The following PDE4D variants were observed in gnomAD, a reference collection of about 807,000 sequenced individuals.
PDE4D encodes the protein 3',5'-cyclic-AMP phosphodiesterase 4D.
In PDE4D, 24 loss-of-function variants were observed where a neutral mutation model predicts 87.4. The observed-to-expected ratio is 0.27, with a 90% CI of 0.20 to 0.39. The LOEUF (loss-of-function observed/expected upper bound fraction) is 0.39, where lower values mean the gene tolerates loss of function less well. Ranked by LOEUF, PDE4D falls within the 10% of genes least tolerant of loss-of-function variation. PDE4D has a pLI of 1.00. For synonymous variants in PDE4D, 384 were observed against 383.2 expected (o/e 1.00, Z -0.02); for missense variants, 714 against 1,041.0 (o/e 0.69, Z 4.32).
intron 6 of PDE4D, among the ~76,000 whole-genome samples, chr5:59,030,539 G>C (rs1045794615): frequency 6.6e-6 from 1 of 150,464 alleles, no homozygotes; most frequent in African/African-American, 2.4e-5. Context: ...AGGAATTCTA[G>C]ACAAGCCTGG....
chr5:60,047,156 G>T (rs1012211669), intron 2 of PDE4D, among the ~76,000 whole-genome samples: 40 of 152,218 alleles, frequency 2.6e-4, no homozygotes, highest in African/African-American at 9.4e-4. Context: ...TATTTGCGTA[G>T]AGGTGTTTGT....
At position 60,428,918 on chromosome 5, in the gene PDE4D, C is replaced by T. The variant is rs114522410; in HGVS notation, c.-90+59024G>A. Among the ~76,000 whole-genome samples, 108 of 152,262 alleles carry T rather than the reference C, an allele frequency of 7.1e-4. 1 individual carries two copies. The highest frequency in any genetic ancestry group is 2.6e-3 in the African/African-American group (107 of 41,546). On this transcript the variant is annotated intron_variant, in intron 1 of 16. Coordinates refer to the PDE4D transcript ENST00000502484. ...AATTTGGAACCAGACAGACTTCGGT[C>T]CAAAGTCCTTGATACTAACAGTTAG...
chr5:59,070,308 C>G (rs952088373), intron 5 of PDE4D, among the ~76,000 whole-genome samples: 1 of 152,040 alleles, frequency 6.6e-6, no homozygotes, highest in Non-Finnish European at 1.5e-5. Context: ...AGTAGTACCA[C>G]AAGGATTAAA....
chr5:58,977,067 C>T, intron 12 of PDE4D, 124 bp downstream of exon 12: 1 of 850,314 alleles, frequency 1.2e-6, no homozygotes, highest in Non-Finnish European at 1.8e-6. Flanking sequence ...GCTTCTATAA[C>T]ATAAAGGGCC....
chr5:59,751,957 T>C (rs1760545875), intron 1 of PDE4D, among the ~76,000 whole-genome samples: 1 of 152,188 alleles, frequency 6.6e-6, no homozygotes, highest in South Asian at 2.1e-4. Context: ...CAATGCTCAG[T>C]AGGGTGCCTG....
intron 6 of PDE4D, among the ~76,000 whole-genome samples, chr5:59,010,369 C>A (rs761521398): frequency 4.0e-5 from 6 of 151,620 alleles, no homozygotes; most frequent in Non-Finnish European, 7.4e-5. Context: ...AAATAATAGT[C>A]AAAGTATTCT....
chr5:59,619,116 G>T (rs756546031), intron 1 of PDE4D, among the ~76,000 whole-genome samples: 1 of 152,104 alleles, frequency 6.6e-6, no homozygotes, highest in Non-Finnish European at 1.5e-5. Context: ...CTTGACAATT[G>T]ATTGGACATG....
At chr5:60,407,296 C>G (rs545775389) in intron 1 of PDE4D, among the ~76,000 whole-genome samples, 1 of 151,866 alleles carries the variant, frequency 6.6e-6, no homozygotes, top group Non-Finnish European at 1.5e-5. Context: ...AACACTCTAG[C>G]TGCAAAAAAA....
chr5:59,158,632 C>G (rs913098623), intron 5 of PDE4D, among the ~76,000 whole-genome samples: 1 of 152,170 alleles, frequency 6.6e-6, no homozygotes, highest in Non-Finnish European at 1.5e-5. Flanking sequence ...AAAGGCAATT[C>G]ATCAGAGGCA....
chr5:60,333,119 G>A (rs1201347159), intron 1 of PDE4D, among the ~76,000 whole-genome samples: 2 of 152,128 alleles, frequency 1.3e-5, no homozygotes, highest in Admixed American at 1.3e-4. Context: ...GGGATAACTA[G>A]ATCCACTTAA....
chr5:59,295,512 C>T (rs1768890618), intron 1 of PDE4D, among the ~76,000 whole-genome samples: 1 of 152,114 alleles, frequency 6.6e-6, no homozygotes, highest in South Asian at 2.1e-4. Context: ...TCTTCAGGTG[C>T]CCAGGTTGCC....
At chr5:59,914,571 C>CGTGTGT (rs35285881) in intron 3 of PDE4D, among the ~76,000 whole-genome samples, 21 of 130,708 alleles carry the variant, frequency 1.6e-4, no homozygotes, top group Admixed American at 7.9e-5. Flanking sequence ...TGTGCATGTG[C>CGTGTGT]GTGTGTGTGT....
chr5:59,525,476 C>T (rs1260602177), intron 1 of PDE4D, among the ~76,000 whole-genome samples: 1 of 152,192 alleles, frequency 6.6e-6, no homozygotes, highest in Non-Finnish European at 1.5e-5. Context: ...CTTTTACAGG[C>T]TCATAGACAG....
At chr5:59,740,306 A>G (rs1368172177) in intron 1 of PDE4D, among the ~76,000 whole-genome samples, 1 of 152,156 alleles carries the variant, frequency 6.6e-6, no homozygotes, top group Non-Finnish European at 1.5e-5. Context: ...ATAATGACCA[A>G]GTAGTCTACT....
chr5:58,994,576 T>C (rs1308552151), intron 6 of PDE4D, among the ~76,000 whole-genome samples: 1 of 152,196 alleles, frequency 6.6e-6, no homozygotes, highest in Non-Finnish European at 1.5e-5. Context: ...TAAATTCTCA[T>C]TTAAGTATGA....
intron 1 of PDE4D, among the ~76,000 whole-genome samples, chr5:59,574,091 TATAAATATA>T (rs1822535515): frequency 1.8e-4 from 1 of 5,688 alleles, no homozygotes; most frequent in Non-Finnish European, 4.3e-4. Context: ...TATTTATATA[TATAAATATA>T]TATTTATATA....
chr5:60,412,313 C>T (rs115138623), intron 1 of PDE4D, among the ~76,000 whole-genome samples: 196 of 152,258 alleles, frequency 1.3e-3, no homozygotes, highest in African/African-American at 4.5e-3. Flanking sequence ...AACACTGCAT[C>T]GTTTTTATAG....
intron 1 of PDE4D, among the ~76,000 whole-genome samples, chr5:60,520,121 C>G (rs1750969426): frequency 6.6e-6 from 1 of 152,024 alleles, no homozygotes; most frequent in African/African-American, 2.4e-5. Context: ...CTTTTAAGAA[C>G]ACACTGGATG....
chr5:59,483,761 T>C (rs950430674), intron 1 of PDE4D, among the ~76,000 whole-genome samples: 5 of 152,196 alleles, frequency 3.3e-5, no homozygotes, highest in Admixed American at 2.6e-4. Flanking sequence ...AGGCTGGATG[T>C]CTGGCAACAG....
Sources: allele counts gnomAD v4.1 joint callset (sites outside exome capture counted in the v4.1 genomes callset), GRCh38; gene constraint gnomAD v4.1.1; transcripts MANE v1.5; gene names NCBI Gene and HGNC (gene_info 2026-07-23, HGNC 2026-07-21).